Variants in ARHGAP42 observed in about 807,000 individuals in gnomAD.
ARHGAP42 encodes rho GTPase-activating protein 42.
In ARHGAP42, 63 loss-of-function variants were observed where a neutral mutation model predicts 125.0. The observed-to-expected ratio is 0.50, with a 90% confidence interval of 0.41 to 0.62. The LOEUF (loss-of-function observed/expected upper bound fraction) is 0.62, where lower values mean the gene tolerates loss of function less well. Among genes scored for constraint, ARHGAP42 ranks in the 20% least tolerant of loss-of-function variants. The pLI, the probability that ARHGAP42 is intolerant of heterozygous loss-of-function variation, is 0.00. For missense variants in ARHGAP42, 766 were observed against 1,024.2 expected, an observed-to-expected ratio of 0.75 and a Z score of 3.44; for synonymous variants, 339 against 351.0, an observed-to-expected ratio of 0.97 and a Z score of 0.38.
chr11:100,702,361 C>T (rs1216744), intron 1 of ARHGAP42, among the ~76,000 whole-genome samples: 33,634 of 151,992 alleles, frequency 0.22, 3,943 homozygotes, highest in Non-Finnish European at 0.24. Flanking sequence ...TTTATAGACA[C>T]TGTTCATGGC....
intron 4 of ARHGAP42, among the ~76,000 whole-genome samples, chr11:100,896,148 C>T (rs1391021608): frequency 6.6e-6 from 1 of 152,174 alleles, no homozygotes; most frequent in Non-Finnish European, 1.5e-5. Context: ...CAGCTTCATC[C>T]ATGTTCCTGC....
Position 100,855,086 on chromosome 11 carries a change from T to C in ARHGAP42, c.313-4468T>C, listed in dbSNP as rs539259956. On this transcript the variant is annotated intron_variant, in intron 3 of 23. Coordinates refer to ENST00000298815, the MANE Select transcript of ARHGAP42 (RefSeq NM_152432.4). ...TTTTTGCAATGAACTGTACCATTTA[T>C]GTTTTTTGTTGTAAATAGTGTAGCG... 2.1e-4 allele frequency among the ~76,000 whole-genome samples: 32 copies of C among 152,276 alleles called. 1 individual carries two copies. The East Asian group carries it at 6.2e-3, about 29-fold the overall frequency.
chr11:100,816,753 G>A (rs1565226579), intron 3 of ARHGAP42: 1 of 152,120 alleles, frequency 6.6e-6, no homozygotes, highest in South Asian at 2.1e-4. Context: ...CCCCCAAAAA[G>A]CAGGCGATAA....
At chr11:100,902,364 A>AT (rs5794078) in intron 4 of ARHGAP42, among the ~76,000 whole-genome samples, 4 of 152,012 alleles carry the variant, frequency 2.6e-5, no homozygotes, top group South Asian at 2.1e-4. Context: ...TAATATGTTG[A>AT]TTTTTTTTCC....
At chr11:100,725,132 T>G (rs1861832115) in intron 1 of ARHGAP42, among the ~76,000 whole-genome samples, 1 of 152,092 alleles carries the variant, frequency 6.6e-6, no homozygotes, top group Admixed American at 6.6e-5. Flanking sequence ...ATAATTCTAT[T>G]TGCTCCCTTA....
chr11:100,688,068 A>G (rs1861120221), intron 1 of ARHGAP42: 1 of 329,076 alleles, frequency 3.0e-6, no homozygotes, highest in African/African-American at 2.1e-5. Context: ...ATATATCCTG[A>G]GGAAAGTCGT....
chr11:100,744,050 A>C (rs1171065915), intron 1 of ARHGAP42, among the ~76,000 whole-genome samples: 1 of 152,192 alleles, frequency 6.6e-6, no homozygotes, highest in African/African-American at 2.4e-5. Flanking sequence ...GGCTTACTGC[A>C]ACCTCTTCTT....
rs183053486 is a variant in ARHGAP42, at chr11:100,931,034, G to C, written c.598-2122G>C. Among the ~76,000 whole-genome samples, 540 of 152,230 alleles carry C rather than the reference G, an allele frequency of 3.5e-3. 3 individuals carry two copies. The highest frequency in any genetic ancestry group is 0.013 in the African/African-American group (521 of 41,530). ...GGGAATTGGATCCAAGTCTAAACAT[G>C]AAAGTCATTATGTTTCCTATACACC... On this transcript the variant is annotated intron_variant, in intron 6 of 23. Transcript: ENST00000298815.
At chr11:100,903,709 AATATAT>A (rs139506492) in intron 4 of ARHGAP42, among the ~76,000 whole-genome samples, 672 of 63,376 alleles carry the variant, frequency 0.011, 10 homozygotes, top group Non-Finnish European at 0.014. Context: ...TGTCCCTCAA[AATATAT>A]ATATATATAT....
intron 3 of ARHGAP42, among the ~76,000 whole-genome samples, chr11:100,849,423 T>G (rs978239617): frequency 2.0e-5 from 3 of 152,186 alleles, no homozygotes; most frequent in Non-Finnish European, 4.4e-5. Flanking sequence ...TAGCTATGAC[T>G]AAGAGCCTGT....
rs537125633 is a variant in ARHGAP42, at chr11:100,707,850, C to T, written c.154+20018C>T. Among the ~76,000 whole-genome samples the T allele has an allele frequency of 1.2e-4, 18 of 152,204 alleles. No individual in the cohort carries two copies. In the East Asian group the frequency reaches 2.5e-3, roughly 21 times the overall value. ...GCTTGGTGTTGAGAGTTAGTAGGTG[C>T]CATGTGTAGCCTTTATTTCCTCCAG... On this transcript the variant is annotated intron_variant, in intron 1 of 23. Transcript: ENST00000298815.
At chr11:100,961,560 C>G (rs1487293078) in intron 14 of ARHGAP42, 124 bp from the exon 15 acceptor site, 4 of 759,790 alleles carry the variant, frequency 5.3e-6, no homozygotes, top group East Asian at 2.7e-5. Context: ...AATGTTAACT[C>G]TTGGCATTCT....
At chr11:100,808,581 A>G (rs1864060067) in intron 3 of ARHGAP42, among the ~76,000 whole-genome samples, 1 of 149,248 alleles carries the variant, frequency 6.7e-6, no homozygotes, top group Admixed American at 6.7e-5. Context: ...AATTTTTTGT[A>G]TTTTTAGTAG....
chr11:100,984,202 G>A (rs538758568), intron 22 of ARHGAP42, among the ~76,000 whole-genome samples: 1 of 151,612 alleles, frequency 6.6e-6, no homozygotes, highest in Non-Finnish European at 1.5e-5. Flanking sequence ...AACTGTCATG[G>A]GCAATTTAGG....
chr11:100,913,204 A>C (rs1866971995), intron 4 of ARHGAP42, among the ~76,000 whole-genome samples: 2 of 152,148 alleles, frequency 1.3e-5, no homozygotes, highest in African/African-American at 4.8e-5. Context: ...AGGAGATGTG[A>C]CTTGCCCTGT....
At chr11:100,847,385 T>G (rs777336100) in intron 3 of ARHGAP42, among the ~76,000 whole-genome samples, 2 of 152,092 alleles carry the variant, frequency 1.3e-5, no homozygotes. Flanking sequence ...ATGGTAGAAA[T>G]CAAGGCTTTC....
At chr11:100,937,118 A>G (rs1355184073) in intron 8 of ARHGAP42, among the ~76,000 whole-genome samples, 1 of 152,220 alleles carries the variant, frequency 6.6e-6, no homozygotes, top group African/African-American at 2.4e-5. Flanking sequence ...AGAGCAGGAC[A>G]CACACAAATT....
At chr11:100,881,759 G>A (rs970348620) in intron 4 of ARHGAP42, among the ~76,000 whole-genome samples, 10 of 152,166 alleles carry the variant, frequency 6.6e-5, no homozygotes, top group African/African-American at 2.4e-4. Context: ...TCTTTCAGCA[G>A]TGTTGTAGTT....
chr11:100,856,465 GC>G (rs937647548), intron 3 of ARHGAP42, among the ~76,000 whole-genome samples: 9 of 152,168 alleles, frequency 5.9e-5, no homozygotes, highest in African/African-American at 2.2e-4. Context: ...CTCACAAGCA[GC>G]CAAATTGGTT....
Sources: gnomAD v4.1 joint callset for allele counts (sites outside exome capture counted in the v4.1 genomes callset) on GRCh38, gnomAD v4.1.1 for gene constraint, MANE v1.5 for transcripts, NCBI Gene and HGNC (gene_info 2026-07-23, HGNC 2026-07-21) for gene names.